The following TENM2 variants were observed in gnomAD, a reference collection of about 807,000 sequenced individuals.
TENM2 encodes teneurin transmembrane protein 2.
In TENM2, 52 loss-of-function variants were observed where a neutral mutation model predicts 245.2. That is an observed-to-expected ratio of 0.21 (90% CI 0.17 to 0.27). The LOEUF is 0.27. Ranked by LOEUF, TENM2 falls within the 10% of genes least tolerant of loss-of-function variation. The pLI is 1.00. For missense variants in TENM2, 3,046 were observed against 3,666.8 expected (o/e 0.83, Z 4.37); for synonymous variants, 1,363 against 1,438.9 (o/e 0.95, Z 1.19).
At chr5:167,338,800 C>T (rs183356756) in intron 1 of TENM2, among the ~76,000 whole-genome samples, 54 of 152,284 alleles carry the variant, frequency 3.5e-4, no homozygotes, top group Admixed American at 2.2e-3. Context: ...CAGACATGCT[C>T]AGGTTCTGGT....
chr5:168,252,473 G>A (rs184261930), intron 27 of TENM2, among the ~76,000 whole-genome samples: 1 of 151,808 alleles, frequency 6.6e-6, no homozygotes. Context: ...GACACACTGG[G>A]ATCTATACCC....
At chr5:167,145,659 T>G in the TENM2 span, among the ~76,000 whole-genome samples, 16 of 152,244 alleles carry the variant, frequency 1.1e-4, no homozygotes, top group South Asian at 8.3e-4. Flanking sequence ...ATTTTCTCGT[T>G]GCAGCGCCCC....
intron 2 of TENM2, among the ~76,000 whole-genome samples, chr5:167,797,347 A>G (rs957214685): frequency 1.3e-5 from 2 of 152,150 alleles, no homozygotes; most frequent in African/African-American, 4.8e-5. Context: ...CCCATTCTAA[A>G]TGGCATCCCC....
chr5:167,238,555 A>G, the TENM2 span, among the ~76,000 whole-genome samples: 15 of 152,184 alleles, frequency 9.9e-5, no homozygotes, highest in Non-Finnish European at 1.9e-4. Context: ...TGAGTTCTAC[A>G]GCCTCTGAGA....
chr5:167,069,909 C>T, the TENM2 span, among the ~76,000 whole-genome samples: 1 of 151,988 alleles, frequency 6.6e-6, no homozygotes, highest in African/African-American at 2.4e-5. Context: ...TTGAGTTTGC[C>T]TAGTTCTGTC....
At chr5:167,474,844 G>C (rs1173614231) in intron 2 of TENM2, among the ~76,000 whole-genome samples, 1 of 152,138 alleles carries the variant, frequency 6.6e-6, no homozygotes, top group African/African-American at 2.4e-5. Flanking sequence ...AGATTTATTG[G>C]CATGCTTATT....
the TENM2 span, among the ~76,000 whole-genome samples, chr5:167,260,403 G>T: frequency 2.6e-5 from 4 of 152,126 alleles, no homozygotes; most frequent in Admixed American, 1.3e-4. Flanking sequence ...AGCTATAAAA[G>T]TTTAACCACT....
intron 3 of TENM2, among the ~76,000 whole-genome samples, chr5:167,900,598 T>C (rs1775622357): frequency 1.3e-5 from 2 of 152,178 alleles, no homozygotes; most frequent in Admixed American, 1.3e-4. Flanking sequence ...TCATCGAAAA[T>C]GAGCCTGGAT....
chr5:168,224,641 C>T (rs1255531101), intron 23 of TENM2, among the ~76,000 whole-genome samples: 2 of 152,194 alleles, frequency 1.3e-5, no homozygotes, highest in Non-Finnish European at 2.9e-5. Context: ...TGAGGACCCC[C>T]CATCCCCACG....
At chr5:168,019,536 A>T (rs561713400) in intron 5 of TENM2, among the ~76,000 whole-genome samples, 1 of 152,348 alleles carries the variant, frequency 6.6e-6, no homozygotes, top group Non-Finnish European at 1.5e-5. Flanking sequence ...AGGGGAAAGG[A>T]GACATCAGGC....
intron 2 of TENM2, among the ~76,000 whole-genome samples, chr5:167,588,532 T>C (rs1775660659): frequency 6.6e-6 from 1 of 152,256 alleles, no homozygotes; most frequent in South Asian, 2.1e-4. Context: ...TAAGGGATAT[T>C]GTTTTCTTTT....
intron 12 of TENM2, among the ~76,000 whole-genome samples, chr5:168,146,022 A>C (rs62383429): frequency 2.0e-5 from 3 of 147,078 alleles, no homozygotes; most frequent in Middle Eastern, 6.8e-3. Context: ...ATTTTTGTAC[A>C]TTGATTTTGT....
At chr5:167,417,608 CT>C (rs1432026670) in intron 2 of TENM2, among the ~76,000 whole-genome samples, 1 of 152,080 alleles carries the variant, frequency 6.6e-6, no homozygotes, top group Non-Finnish European at 1.5e-5. Flanking sequence ...GTGCTAAGTG[CT>C]TTCCATACAT....
the TENM2 span, among the ~76,000 whole-genome samples, chr5:167,237,536 T>C: frequency 2.1e-5 from 2 of 95,244 alleles, no homozygotes; most frequent in Non-Finnish European, 4.1e-5. Flanking sequence ...TATGAAACAA[T>C]GATGTTTAAT....
At chr5:167,472,599 G>T (rs1377472040) in intron 2 of TENM2, among the ~76,000 whole-genome samples, 2 of 152,146 alleles carry the variant, frequency 1.3e-5, no homozygotes, top group African/African-American at 2.4e-5. Flanking sequence ...GACCGGGAAA[G>T]AAAATGGTGG....
At chr5:168,013,377 G>T (rs1785401680) in intron 5 of TENM2, among the ~76,000 whole-genome samples, 1 of 152,124 alleles carries the variant, frequency 6.6e-6, no homozygotes, top group South Asian at 2.1e-4. Context: ...ACTGAAGCAG[G>T]CGGATCACCT....
intron 3 of TENM2, among the ~76,000 whole-genome samples, chr5:167,944,134 A>T (rs762471184): frequency 1.5e-4 from 23 of 152,100 alleles, no homozygotes; most frequent in Non-Finnish European, 2.6e-4. Flanking sequence ...TCCCTTTCTG[A>T]CCCTTCATGT....
intron 2 of TENM2, among the ~76,000 whole-genome samples, chr5:167,533,421 GGTT>G (rs1771643246): frequency 6.6e-6 from 1 of 151,990 alleles, no homozygotes; most frequent in African/African-American, 2.4e-5. Flanking sequence ...TTGGCCAGGT[GGTT>G]GTTTTTCTTT....
intron 1 of TENM2, among the ~76,000 whole-genome samples, chr5:167,360,484 CT>C (rs1759643961): frequency 6.6e-6 from 1 of 152,136 alleles, no homozygotes; most frequent in African/African-American, 2.4e-5. Context: ...GGTTCTATGT[CT>C]CTTCTCATGT....
Sources: gnomAD v4.1 joint callset for allele counts (sites outside exome capture counted in the v4.1 genomes callset) on GRCh38, gnomAD v4.1.1 for gene constraint, MANE v1.5 for transcripts, NCBI Gene and HGNC (gene_info 2026-07-23, HGNC 2026-07-21) for gene names.